PRKG1: variants seen among roughly 807,000 people sequenced by gnomAD.
PRKG1 encodes the protein protein kinase cGMP-dependent 1.
In PRKG1, 35 loss-of-function variants were observed where a neutral mutation model predicts 88.1. That is an observed-to-expected ratio of 0.40 (90% confidence interval 0.30 to 0.53). The LOEUF (loss-of-function observed/expected upper bound fraction) is 0.53, where lower values mean the gene tolerates loss of function less well. Among genes scored for constraint, PRKG1 ranks in the 20% least tolerant of loss-of-function variants. PRKG1 has a pLI of 0.59. For missense variants in PRKG1, 540 were observed against 839.8 expected (o/e 0.64, Z 4.41); for synonymous variants, 303 against 292.5 (o/e 1.04, Z -0.37).
chr10:51,782,603 A>G (rs943776762), intron 3 of PRKG1, among the ~76,000 whole-genome samples: 4 of 152,124 alleles, frequency 2.6e-5, no homozygotes, highest in Non-Finnish European at 5.9e-5. Flanking sequence ...TTGTGCTCCC[A>G]TAATTCCCAT....
intron 5 of PRKG1, among the ~76,000 whole-genome samples, chr10:51,985,741 C>G (rs576581724): frequency 2.0e-5 from 3 of 151,926 alleles, no homozygotes; most frequent in Middle Eastern, 3.4e-3. Context: ...ATAAAGGCTA[C>G]CTTAAGGAAG....
chr10:51,711,588 T>C (rs1169475602), intron 3 of PRKG1, among the ~76,000 whole-genome samples: 1 of 152,222 alleles, frequency 6.6e-6, no homozygotes, highest in Admixed American at 6.5e-5. Flanking sequence ...CATACGAAAC[T>C]GAAGTTGTCT....
intron 2 of PRKG1, among the ~76,000 whole-genome samples, chr10:51,364,927 A>C (rs1842558768): frequency 6.6e-6 from 1 of 151,922 alleles, no homozygotes; most frequent in South Asian, 2.1e-4. Context: ...TAAACTCTAT[A>C]TAATAAGTAG....
intron 5 of PRKG1, among the ~76,000 whole-genome samples, chr10:51,927,658 G>A (rs560500542): frequency 2.3e-4 from 35 of 152,250 alleles, no homozygotes; most frequent in Admixed American, 8.5e-4. Flanking sequence ...ATGGAAGTGG[G>A]TGGCTAAAGA....
At chr10:51,493,588 G>T (rs1225288875) in intron 3 of PRKG1, among the ~76,000 whole-genome samples, 3 of 152,114 alleles carry the variant, frequency 2.0e-5, no homozygotes, top group Non-Finnish European at 4.4e-5. Context: ...AATGAGTCAA[G>T]ATTCTTCGCT....
chr10:51,189,564 C>G (rs1482809427), intron 2 of PRKG1, among the ~76,000 whole-genome samples: 1 of 151,880 alleles, frequency 6.6e-6, no homozygotes, highest in African/African-American at 2.4e-5. Flanking sequence ...TTTATAAACA[C>G]AAAATGCAGA....
chr10:52,124,811 GA>G (rs1323314424), intron 7 of PRKG1, among the ~76,000 whole-genome samples: 4 of 150,332 alleles, frequency 2.7e-5, no homozygotes, highest in Non-Finnish European at 5.9e-5. Flanking sequence ...TTTACTTTTC[GA>G]AGTTTTTTTG....
chr10:51,924,040 G>C (rs1842520158), intron 5 of PRKG1, among the ~76,000 whole-genome samples: 1 of 151,958 alleles, frequency 6.6e-6, no homozygotes, highest in Non-Finnish European at 1.5e-5. Context: ...TGTTGCCCAG[G>C]CTGGTCTTGA....
chr10:51,806,597 G>T (rs1271813090), intron 4 of PRKG1, among the ~76,000 whole-genome samples: 1 of 152,174 alleles, frequency 6.6e-6, no homozygotes, highest in East Asian at 1.9e-4. Flanking sequence ...TGTGAACATA[G>T]GACTGGGCCG....
At chr10:51,771,777 C>T (rs1386630285) in intron 3 of PRKG1, among the ~76,000 whole-genome samples, 4 of 152,080 alleles carry the variant, frequency 2.6e-5, no homozygotes, top group Non-Finnish European at 5.9e-5. Context: ...TCAGGCAACT[C>T]CAGACATTAA....
intron 1 of PRKG1, among the ~76,000 whole-genome samples, chr10:51,108,484 C>A (rs1411763153): frequency 6.6e-6 from 1 of 151,960 alleles, no homozygotes; most frequent in Admixed American, 6.6e-5. Flanking sequence ...ACCAAATTAA[C>A]CAGCAAAAAC....
intron 2 of PRKG1, among the ~76,000 whole-genome samples, chr10:51,355,642 T>G (rs1453217492): frequency 6.6e-6 from 1 of 152,044 alleles, no homozygotes; most frequent in Admixed American, 6.6e-5. Flanking sequence ...TCTCAGTTGT[T>G]AGAAAGGATG....
chr10:51,625,435 C>A (rs1420814793), intron 3 of PRKG1, among the ~76,000 whole-genome samples: 3 of 152,080 alleles, frequency 2.0e-5, no homozygotes, highest in South Asian at 4.1e-4. Context: ...TGAGACTGTG[C>A]CTTTGCACTC....
Position 51,687,326 on chromosome 10 carries a change from T to C in PRKG1, c.593-117259T>C, listed in dbSNP as rs545618476. On this transcript the variant is annotated intron_variant, in intron 3 of 17. Transcript: ENST00000373980. The stretch of plus-strand genomic sequence containing the variant: ...AACAGAACAAACACTGGGCTGATCC[T>C]TTGAACTATTCTTGTTATACTGGTC... 1.2e-3 allele frequency among the ~76,000 whole-genome samples: 179 copies of C among 152,342 alleles called. 1 individual carries two copies. Among genetic ancestry groups the C allele is most frequent in the Non-Finnish European group, 1.7e-3 (118 of 68,024 alleles).
At chr10:51,750,395 T>C (rs999756656) in intron 3 of PRKG1, among the ~76,000 whole-genome samples, 1 of 152,198 alleles carries the variant, frequency 6.6e-6, no homozygotes, top group Non-Finnish European at 1.5e-5. Flanking sequence ...ATAGACTGAA[T>C]ATGTTTATAA....
intron 9 of PRKG1, among the ~76,000 whole-genome samples, chr10:52,186,786 T>C (rs1318472556): frequency 3.3e-5 from 5 of 152,004 alleles, no homozygotes; most frequent in Non-Finnish European, 7.4e-5. Flanking sequence ...GAAAAATAAA[T>C]ACAAAATTAT....
chr10:52,074,141 A>G lies in PRKG1; in HGVS notation c.935+11510A>G, dbSNP rs113171139. 9.3e-3 allele frequency among the ~76,000 whole-genome samples: 1,415 copies of G among 152,294 alleles called. 24 individuals carry two copies. Among genetic ancestry groups the G allele is most frequent in the African/African-American group, 0.032 (1,311 of 41,558 alleles). ...ATTTAGCTCATTATAATAGGTACAAATTATCAGTAACTGACCAGTAACTAA... is the reference window on the plus strand; with the variant it reads ...ATTTAGCTCATTATAATAGGTACAAGTTATCAGTAACTGACCAGTAACTAA... On this transcript the variant is annotated intron_variant, in intron 7 of 17. Transcript: ENST00000373980.
At chr10:51,263,431 G>A (rs1839763089) in intron 2 of PRKG1, among the ~76,000 whole-genome samples, 1 of 152,174 alleles carries the variant, frequency 6.6e-6, no homozygotes, top group Non-Finnish European at 1.5e-5. Flanking sequence ...CGCCTCAGTG[G>A]TGAAGTTGCT....
chr10:51,534,633 C>T (rs1325777435), intron 3 of PRKG1, among the ~76,000 whole-genome samples: 1 of 147,078 alleles, frequency 6.8e-6, no homozygotes, highest in African/African-American at 2.5e-5. Context: ...CGCCACTGCA[C>T]TCCAGCCTGG....
Sources: allele counts gnomAD v4.1 joint callset (sites outside exome capture counted in the v4.1 genomes callset), GRCh38; gene constraint gnomAD v4.1.1; transcripts MANE v1.5; gene names NCBI Gene and HGNC (gene_info 2026-07-23, HGNC 2026-07-21).